The following GRIA3 variants were observed in gnomAD, a reference collection of about 807,000 sequenced individuals.
The protein encoded by GRIA3 is glutamate receptor 3.
A neutral mutation model predicts 63.0 loss-of-function variants in GRIA3; 3 were observed. That is an observed-to-expected ratio of 0.05 (90% CI 0.02 to 0.12). The LOEUF is 0.12. Among genes scored for constraint, GRIA3 ranks in the 10% least tolerant of loss-of-function variants. The probability of loss-of-function intolerance (pLI) is 1.00; values close to 1 mark genes in which losing one functional copy is unlikely to be tolerated. For synonymous variants in GRIA3, 274 were observed against 257.9 expected (o/e 1.06, Z -0.60); for missense variants, 347 against 700.9 (o/e 0.50, Z 5.70).
chrX:123,318,271 C>CT (rs911732360), intron 3 of GRIA3, among the ~76,000 whole-genome samples: 11 of 112,092 alleles, frequency 9.8e-5, no homozygotes, highest in African/African-American at 3.2e-4. Context: ...ACATTTTCCC[C>CT]CCATGGTCTT....
chrX:123,234,028 A>G (rs1374357631), intron 2 of GRIA3, among the ~76,000 whole-genome samples: 1 of 111,566 alleles, frequency 9.0e-6, no homozygotes, highest in Non-Finnish European at 1.9e-5. Context: ...TTCCATTTGC[A>G]TGGGTAACAC....
chrX:123,339,628 G>C (rs968980684), intron 4 of GRIA3, among the ~76,000 whole-genome samples: 3 of 111,844 alleles, frequency 2.7e-5, no homozygotes, highest in Non-Finnish European at 3.8e-5. Context: ...TTTCTCCTCA[G>C]GATTGGTTGA....
chrX:123,243,818 A>G (rs1343527391), intron 2 of GRIA3, among the ~76,000 whole-genome samples: 1 of 111,704 alleles, frequency 9.0e-6, no homozygotes, highest in African/African-American at 3.3e-5. Context: ...TGAATGAATA[A>G]GCAAAAAATT....
At chrX:123,193,743 C>G (rs1927502119) in intron 2 of GRIA3, among the ~76,000 whole-genome samples, 1 of 112,256 alleles carries the variant, frequency 8.9e-6, no homozygotes, top group South Asian at 3.7e-4. Flanking sequence ...AAGCCTGTGC[C>G]AAAATGCAAG....
chrX:123,210,264 T>C (rs1928009518), intron 2 of GRIA3, among the ~76,000 whole-genome samples: 1 of 108,435 alleles, frequency 9.2e-6, no homozygotes, highest in African/African-American at 3.4e-5. Flanking sequence ...TATCCCACAT[T>C]CTGTTCCTAA....
At chrX:123,431,023 C>T (rs2075803706) in intron 12 of GRIA3, among the ~76,000 whole-genome samples, 2 of 44,405 alleles carry the variant, frequency 4.5e-5, no homozygotes, top group African/African-American at 1.3e-4. Context: ...AACAGTAACT[C>T]ACATACACAC....
chrX:123,189,012 A>G (rs1927352546), intron 2 of GRIA3, among the ~76,000 whole-genome samples: 1 of 111,608 alleles, frequency 9.0e-6, no homozygotes, highest in South Asian at 3.8e-4. Context: ...CACAACCCCC[A>G]AGAGGTTTGC....
chrX:123,206,266 A>G (rs1927884739), intron 2 of GRIA3, among the ~76,000 whole-genome samples: 1 of 111,984 alleles, frequency 8.9e-6, no homozygotes, highest in African/African-American at 3.2e-5. Flanking sequence ...TCAAATTCCA[A>G]TCAGAATGGG....
At chrX:123,443,296 T>C (rs1603158967) in intron 12 of GRIA3, among the ~76,000 whole-genome samples, 1 of 112,345 alleles carries the variant, frequency 8.9e-6, no homozygotes, top group Non-Finnish European at 1.9e-5. Flanking sequence ...TTTGATCTTC[T>C]TCTCCTCTGA....
intron 13 of GRIA3, among the ~76,000 whole-genome samples, chrX:123,476,184 G>A (rs1460629374): frequency 8.9e-6 from 1 of 111,956 alleles, no homozygotes; most frequent in African/African-American, 3.3e-5. Context: ...CCCTGCCCTT[G>A]AGAAGCACAC....
intron 8 of GRIA3, 72 bp from the exon 9 acceptor site, chrX:123,403,340 A>G: frequency 1.4e-6 from 1 of 730,220 alleles, no homozygotes; most frequent in East Asian, 3.2e-5. Context: ...GTTCCACAAC[A>G]GCACTTCAAT....
chrX:123,208,918 T>A (rs1365742925), intron 2 of GRIA3, among the ~76,000 whole-genome samples: 3 of 112,235 alleles, frequency 2.7e-5, no homozygotes, highest in Non-Finnish European at 5.6e-5. Flanking sequence ...TGAAAACATA[T>A]GATATAAATT....
At chrX:123,383,593 G>A (rs1200375774) in intron 5 of GRIA3, among the ~76,000 whole-genome samples, 3 of 111,362 alleles carry the variant, frequency 2.7e-5, no homozygotes, top group Non-Finnish European at 3.8e-5. Context: ...TTCCATCCAC[G>A]TTGCTGCAAA....
At position 123,483,547 on chromosome X, in the gene GRIA3, G is replaced by T. The variant is rs918527284; in HGVS notation, c.*2+501G>T. 2.7e-5 allele frequency among the ~76,000 whole-genome samples: 3 copies of T among 112,246 alleles called. No individual in the cohort carries two copies. In the Admixed American group the frequency reaches 2.8e-4, roughly 11 times the overall value. On this transcript the variant is annotated intron_variant, in intron 15 of 15. Transcript: ENST00000620443. ...TTATGGTACATCTTGACTCATACTA[G>T]TTACATATCAAATGTTCAGTAGTCA...
At chrX:123,185,512 G>A (rs1373747919) in intron 1 of GRIA3, among the ~76,000 whole-genome samples, 1 of 102,807 alleles carries the variant, frequency 9.7e-6, no homozygotes, top group East Asian at 3.2e-4. Flanking sequence ...GGGCGGAGGG[G>A]GGGGGCGACT....
intron 12 of GRIA3, among the ~76,000 whole-genome samples, chrX:123,460,541 T>C (rs2045786621): frequency 8.9e-6 from 1 of 112,088 alleles, no homozygotes; most frequent in Non-Finnish European, 1.9e-5. Flanking sequence ...AAAGGAAATA[T>C]GCTTATTCTA....
intron 5 of GRIA3, among the ~76,000 whole-genome samples, chrX:123,378,937 G>A (rs1034333468): frequency 9.1e-6 from 1 of 110,457 alleles, no homozygotes; most frequent in Admixed American, 9.7e-5. Context: ...TTGTATAAAT[G>A]TATGGGGTAT....
At chrX:123,403,654 C>G (rs2045455300) in intron 9 of GRIA3, 135 bp downstream of exon 9, 1 of 529,976 alleles carries the variant, frequency 1.9e-6, no homozygotes. Context: ...AGGAAACTCT[C>G]AAAGTATCTT....
At chrX:123,456,281 G>T (rs1251445116) in intron 12 of GRIA3, among the ~76,000 whole-genome samples, 3 of 111,195 alleles carry the variant, frequency 2.7e-5, no homozygotes, top group Non-Finnish European at 5.7e-5. Flanking sequence ...AAATGAGATG[G>T]TGTGTGTTAA....
Sources: gnomAD v4.1 joint callset for allele counts (sites outside exome capture counted in the v4.1 genomes callset) on GRCh38, gnomAD v4.1.1 for gene constraint, MANE v1.5 for transcripts, NCBI Gene and HGNC (gene_info 2026-07-23, HGNC 2026-07-21) for gene names.